F8: variants seen among roughly 807,000 people sequenced by gnomAD.
The protein encoded by F8 is antihemophilic factor.
In F8, 12 loss-of-function variants were observed where a neutral mutation model predicts 140.6. The observed-to-expected ratio is 0.09, with a 90% confidence interval of 0.05 to 0.14. F8 has a LOEUF of 0.14. F8 is among the 10% of genes least tolerant of loss of function. The probability of loss-of-function intolerance (pLI) is 1.00; values close to 1 mark genes in which losing one functional copy is unlikely to be tolerated. For synonymous variants in F8, 585 were observed against 614.6 expected (o/e 0.95, Z 0.71); for missense variants, 1,354 against 1,720.7 (o/e 0.79, Z 3.77).
At chrX:154,861,577 C>T (rs1325997688) in intron 24 of F8, 141 bp downstream of exon 24, 5 of 709,683 alleles carry the variant, frequency 7.0e-6, no homozygotes, top group Non-Finnish European at 1.1e-5. Context: ...TGGTTGTCTG[C>T]CCATAACCAA....
intron 10 of F8, 51 bp from the exon 11 acceptor site, chrX:154,957,222 A>G (rs887016970): frequency 4.2e-6 from 4 of 941,434 alleles, no homozygotes; most frequent in East Asian, 6.1e-5. Context: ...AACAAGCCAC[A>G]TATTGATAAT....
At chrX:154,844,728 C>T (rs1263101668) in intron 25 of F8, among the ~76,000 whole-genome samples, 5 of 111,536 alleles carry the variant, frequency 4.5e-5, no homozygotes, top group African/African-American at 1.3e-4. Context: ...ACAATCATGT[C>T]GTCTGCGAAC....
In F8 at chrX:154,863,164, C is replaced by A. The variant is rs2072706733; in HGVS notation, c.6493G>T (p.Ala2165Ser). Residue 2165 changes from alanine to serine, a missense_variant, in exon 23 of 26, where the codon GCT becomes TCT. By Grantham distance (99) the Ala-to-Ser change is moderately conservative (BLOSUM62 1). Around this residue, in one of 4 missense-constraint regions of F8, gnomAD observed 316 missense variants for 485.4 expected, o/e 0.65. Coordinates refer to ENST00000360256, the MANE Select transcript of F8 (RefSeq NM_000132.4). ...KHNIFNPPII[A>S]RYIRLHPTHY... Reference sequence around the variant, plus strand: ...GTTGGGTGCAAACGGATGTATCGAGCAATAATTGGAGGGTTAAAAATATTG... The same window carrying A: ...GTTGGGTGCAAACGGATGTATCGAGAAATAATTGGAGGGTTAAAAATATTG... The A allele has an allele frequency of 1.7e-6, 2 of 1,207,812 alleles. No homozygotes were observed. Among genetic ancestry groups the A allele is most frequent in the South Asian group, 1.8e-5 (1 of 56,805 alleles).
intron 1 of F8, among the ~76,000 whole-genome samples, chrX:155,012,320 C>G (rs2073709697): frequency 8.9e-6 from 1 of 111,803 alleles, no homozygotes; most frequent in African/African-American, 3.3e-5. Flanking sequence ...AATTTCTTTT[C>G]TTTTTTTGAG....
At chrX:154,970,055 AT>A (rs1557282443) in intron 6 of F8, among the ~76,000 whole-genome samples, 2 of 112,582 alleles carry the variant, frequency 1.8e-5, no homozygotes, top group Middle Eastern at 4.6e-3. Context: ...AGCATCCTGC[AT>A]TTGAATATGC....
intron 12 of F8, among the ~76,000 whole-genome samples, chrX:154,951,255 ATT>A (rs2073336280): frequency 8.9e-6 from 1 of 111,988 alleles, no homozygotes; most frequent in South Asian, 3.7e-4. Context: ...AAATCCTACA[ATT>A]TTTTAAAACA....
At chrX:154,996,836 A>T in intron 3 of F8, 137 bp downstream of exon 3, 1 of 709,872 alleles carries the variant, frequency 1.4e-6, no homozygotes, top group Non-Finnish European at 2.2e-6. Flanking sequence ...AGATATTTAT[A>T]ATCTAGTAAA....
At position 154,931,522 on chromosome X, in the gene F8, A is replaced by G. The variant is rs1557278846; in HGVS notation, c.2268T>C (p.Ile756=). ...AATTCTGGGAGAAGCTTCTTGGTTC[A>G]ATGGCATTGTTTTTACTCAGCAAGT... ...SAYLLSKNNA[I]EPRSFSQNSR... Residue 756 remains isoleucine (I), a synonymous_variant, in exon 14 of 26, where the codon ATT becomes ATC. Coordinates refer to ENST00000360256, the MANE Select transcript of F8 (RefSeq NM_000132.4). The G allele has an allele frequency of 5.0e-6, 6 of 1,211,618 alleles. No individual in the cohort carries two copies. The highest frequency in any genetic ancestry group is 6.7e-6 in the Non-Finnish European group (6 of 895,314).
chrX:154,996,103 C>T (rs1385900173), intron 3 of F8, among the ~76,000 whole-genome samples: 3 of 112,106 alleles, frequency 2.7e-5, no homozygotes, highest in Non-Finnish European at 5.6e-5. Context: ...ATTGGCCACT[C>T]GTTTCTCCAC....
chrX:154,924,967 C>T (rs948566048), intron 14 of F8, among the ~76,000 whole-genome samples: 9 of 112,184 alleles, frequency 8.0e-5, no homozygotes, highest in African/African-American at 2.9e-4. Context: ...ACTTTTTCCT[C>T]TTAGGCCTCT....
chrX:154,852,619 G>A (rs960897056), intron 25 of F8, among the ~76,000 whole-genome samples: 16 of 111,299 alleles, frequency 1.4e-4, no homozygotes, highest in African/African-American at 4.9e-4. Flanking sequence ...TTTGTAGTAA[G>A]TTCTGAAATT....
intron 13 of F8, among the ~76,000 whole-genome samples, chrX:154,933,521 T>C (rs782269708): frequency 8.9e-6 from 1 of 112,283 alleles, no homozygotes; most frequent in South Asian, 3.7e-4. Context: ...AGAAGGGAAT[T>C]CGACATCCAT....
intron 14 of F8, among the ~76,000 whole-genome samples, chrX:154,913,174 C>G (rs2073076975): frequency 9.0e-6 from 1 of 111,355 alleles, no homozygotes; most frequent in African/African-American, 3.3e-5. Context: ...ACACAATGCA[C>G]CAAAATAACT....
At position 154,955,558 on chromosome X, in the gene F8, C is replaced by T. The variant is rs181399288; in HGVS notation, c.1752+1399G>A. Among the ~76,000 whole-genome samples, 264 of 109,188 alleles carry T rather than the reference C, an allele frequency of 2.4e-3. 1 individual carries two copies. The highest frequency in any genetic ancestry group is 8.3e-3 in the African/African-American group (247 of 29,879). 94.8% of individuals were successfully genotyped at this position (109,188 alleles called of 115,157 possible). ...TTTTCTATTTTACCTAAGTGTCGGC[C>T]GGTCTGGGAAATAAAGAGAAAGAGT... On this transcript the variant is annotated intron_variant, in intron 11 of 25. Transcript: ENST00000360256.
chrX:154,898,511 T>C (rs1385968598), intron 21 of F8, among the ~76,000 whole-genome samples: 2 of 112,044 alleles, frequency 1.8e-5, no homozygotes, highest in Non-Finnish European at 3.8e-5. Context: ...CCAGTTAGGG[T>C]TCTGGAGCCC....
chrX:155,003,384 G>GAAACTTCC (rs782746625), intron 1 of F8, among the ~76,000 whole-genome samples: 2 of 102,684 alleles, frequency 1.9e-5, no homozygotes, highest in South Asian at 4.4e-4. Context: ...CATGACAATA[G>GAAACTTCC]AAACTTCCAA....
rs188895778 is a variant in F8, at chrX:154,936,061, T to C, written c.2114-4385A>G. Among the ~76,000 whole-genome samples the C allele has an allele frequency of 5.7e-3, 620 of 109,349 alleles. 7 individuals are homozygous for C. The highest frequency in any genetic ancestry group is 0.02 in the African/African-American group (591 of 29,942). 95.0% of individuals were successfully genotyped at this position (109,349 alleles called of 115,157 possible). On this transcript the variant is annotated intron_variant, in intron 13 of 25. Coordinates refer to ENST00000360256, the MANE Select transcript of F8 (RefSeq NM_000132.4). ...AAAGAGCTTGAAGCCATCCAGATTT[T>C]TTTAAAAAGATACATTATGTACAGT...
intron 6 of F8, among the ~76,000 whole-genome samples, chrX:154,970,933 T>C (rs1429320031): frequency 1.8e-5 from 2 of 111,853 alleles, no homozygotes; most frequent in African/African-American, 3.2e-5. Flanking sequence ...AACTTGCATG[T>C]TGTCAAAATT....
intron 22 of F8, among the ~76,000 whole-genome samples, chrX:154,876,883 G>T (rs1225206758): frequency 9.0e-6 from 1 of 111,631 alleles, no homozygotes; most frequent in Non-Finnish European, 1.9e-5. Flanking sequence ...CTAAAATAAT[G>T]AATGTGTAGT....
Sources: gnomAD v4.1 joint callset for allele counts (sites outside exome capture counted in the v4.1 genomes callset) on GRCh38, gnomAD v4.1.1 for gene constraint, gnomAD v4.1.1 regional missense constraint, MANE v1.5 for transcripts, NCBI Gene and HGNC (gene_info 2026-07-23, HGNC 2026-07-21) for gene names.